The following CTPS2 variants were observed in gnomAD, a reference collection of about 807,000 sequenced individuals.
CTPS2 encodes the protein CTP synthase 2, also known as CTP synthase II.
In CTPS2, 19 loss-of-function variants were observed where a neutral mutation model predicts 46.8. The ratio of observed to expected loss-of-function variants is 0.41; its 90% CI spans 0.28 to 0.60. The LOEUF (loss-of-function observed/expected upper bound fraction) is 0.60. CTPS2 is among the 20% of genes least tolerant of loss of function. The pLI is 0.35. For missense variants in CTPS2, 286 were observed against 447.6 expected (o/e 0.64, Z 3.26); for synonymous variants, 151 against 165.2 (o/e 0.91, Z 0.66).
At chrX:16,698,864 T>G in intron 3 of CTPS2, 59 bp downstream of exon 3, 1 of 1,081,197 alleles carries the variant, frequency 9.2e-7, no homozygotes, top group South Asian at 2.2e-5. Context: ...AGTTCTACTT[T>G]TGAGCAGTAC....
chrX:16,631,769 A>G (rs1931484033), intron 14 of CTPS2, among the ~76,000 whole-genome samples: 1 of 111,911 alleles, frequency 8.9e-6, no homozygotes, highest in African/African-American at 3.2e-5. Flanking sequence ...TAGAGACACT[A>G]TCAAGTTGTT....
intron 14 of CTPS2, among the ~76,000 whole-genome samples, chrX:16,627,783 G>A (rs1219391592): frequency 1.8e-5 from 2 of 111,301 alleles, no homozygotes; most frequent in African/African-American, 6.5e-5. Context: ...TAGGGTCTTC[G>A]CTTTCTGCAC....
At chrX:16,681,284 GC>G (rs1202505095) in intron 9 of CTPS2, among the ~76,000 whole-genome samples, 1 of 111,731 alleles carries the variant, frequency 9.0e-6, no homozygotes, top group Non-Finnish European at 1.9e-5. Flanking sequence ...GAGAGAAACA[GC>G]AGCTAGTTCT....
rs1007071066 is a variant in CTPS2, at chrX:16,621,714, C to G, written c.1394-1382G>C. Among the ~76,000 whole-genome samples, 3 of 111,477 alleles carry G rather than the reference C, an allele frequency of 2.7e-5. No homozygotes were observed. The Admixed American group carries it at 2.9e-4, about 11-fold the overall frequency. On this transcript the variant is annotated intron_variant, in intron 14 of 18. Transcript: ENST00000359276. ...AACAGGCAGGGAATTATCAGACTCT[C>G]AAAGACATCATGAGGCTGGAACAGG...
intron 1 of CTPS2, among the ~76,000 whole-genome samples, chrX:16,709,109 CAA>C (rs1173424573): frequency 3.0e-5 from 3 of 100,850 alleles, no homozygotes; most frequent in African/African-American, 1.1e-4. Context: ...GACTTCGTCT[CAA>C]AAAAAAAAGT....
intron 10 of CTPS2, among the ~76,000 whole-genome samples, chrX:16,673,438 C>T (rs1921951890): frequency 9.0e-6 from 1 of 111,302 alleles, no homozygotes; most frequent in African/African-American, 3.3e-5. Flanking sequence ...AGTACTTTCT[C>T]TTGGTCTCCA....
intron 13 of CTPS2, among the ~76,000 whole-genome samples, chrX:16,649,924 A>G (rs1381469462): frequency 8.9e-6 from 1 of 112,101 alleles, no homozygotes; most frequent in Non-Finnish European, 1.9e-5. Flanking sequence ...ATTGGAGGGA[A>G]AATATAATCT....
At chrX:16,630,687 A>G (rs980340584) in intron 14 of CTPS2, among the ~76,000 whole-genome samples, 1 of 110,845 alleles carries the variant, frequency 9.0e-6, no homozygotes, top group Non-Finnish European at 1.9e-5. Flanking sequence ...GCACCCTTCC[A>G]CCTTGTGGCA....
intron 13 of CTPS2, among the ~76,000 whole-genome samples, chrX:16,647,252 A>ATTATTTTTTTTT (rs1932363451): frequency 1.9e-5 from 1 of 53,799 alleles, no homozygotes; most frequent in African/African-American, 8.1e-5. Flanking sequence ...CATTGGGCCC[A>ATTATTTTTTTTT]TTCTTTTTTT....
chrX:16,628,075 T>C (rs1931258601), intron 14 of CTPS2, among the ~76,000 whole-genome samples: 2 of 111,773 alleles, frequency 1.8e-5, no homozygotes, highest in African/African-American at 6.5e-5. Context: ...ATTACTGGTG[T>C]GCAGAAAGCA....
intron 10 of CTPS2, among the ~76,000 whole-genome samples, chrX:16,672,921 C>T (rs1250820658): frequency 2.3e-5 from 2 of 85,154 alleles, no homozygotes; most frequent in African/African-American, 9.2e-5. Context: ...GAGTCTCGCT[C>T]TGTCGCCCAG....
intron 14 of CTPS2, among the ~76,000 whole-genome samples, chrX:16,622,223 T>C (rs1930881200): frequency 1.8e-5 from 2 of 109,044 alleles, no homozygotes; most frequent in South Asian, 8.1e-4. Context: ...CTGGCCAACA[T>C]GGTGAAACCC....
At chrX:16,694,780 G>A (rs1232377870) in intron 4 of CTPS2, among the ~76,000 whole-genome samples, 2 of 112,393 alleles carry the variant, frequency 1.8e-5, no homozygotes, top group African/African-American at 6.5e-5. Context: ...TATCACTTGA[G>A]CACAGGAGTT....
At chrX:16,709,427 CAAA>C (rs776924145) in intron 1 of CTPS2, among the ~76,000 whole-genome samples, 6 of 54,114 alleles carry the variant, frequency 1.1e-4, no homozygotes, top group Non-Finnish European at 1.1e-4. Context: ...AACCGTGTCT[CAAA>C]AAAAAAAAAA....
intron 17 of CTPS2, among the ~76,000 whole-genome samples, chrX:16,598,751 A>G (rs1251743807): frequency 9.0e-6 from 1 of 111,129 alleles, no homozygotes; most frequent in Admixed American, 9.6e-5. Context: ...CAGAGACACA[A>G]CCAAAAAAGA....
At chrX:16,674,283 C>A (rs957630818) in intron 10 of CTPS2, among the ~76,000 whole-genome samples, 5 of 110,702 alleles carry the variant, frequency 4.5e-5, no homozygotes, top group Non-Finnish European at 9.4e-5. Flanking sequence ...CCTGCCTCAG[C>A]CTCCCAGGTA....
intron 13 of CTPS2, among the ~76,000 whole-genome samples, chrX:16,661,849 G>A (rs767500663): frequency 1.8e-5 from 2 of 111,053 alleles, no homozygotes; most frequent in South Asian, 7.6e-4. Flanking sequence ...GATGTCTTTT[G>A]AAGGTGGAAC....
At chrX:16,700,339 C>T (rs947829843) in intron 2 of CTPS2, among the ~76,000 whole-genome samples, 5 of 109,498 alleles carry the variant, frequency 4.6e-5, no homozygotes, top group Non-Finnish European at 9.5e-5. Context: ...GGATGGTCTC[C>T]ATCTCCTGAC....
intron 13 of CTPS2, chrX:16,651,260 G>T: frequency 1.5e-6 from 1 of 682,049 alleles, no homozygotes; most frequent in Non-Finnish European, 2.2e-6. Flanking sequence ...ACACATGCAG[G>T]TGGGGTTTCT....
Sources: gnomAD v4.1 joint callset for allele counts (sites outside exome capture counted in the v4.1 genomes callset) on GRCh38, gnomAD v4.1.1 for gene constraint, MANE v1.5 for transcripts, NCBI Gene and HGNC (gene_info 2026-07-23, HGNC 2026-07-21) for gene names.